The following GPC5 variants were observed in gnomAD, a reference collection of about 807,000 sequenced individuals.
GPC5 encodes glypican 5.
GPC5 carries 47 observed loss-of-function variants against 53.9 expected under a neutral mutation model. The ratio of observed to expected loss-of-function variants is 0.87; its 90% confidence interval spans 0.69 to 1.11. The LOEUF (loss-of-function observed/expected upper bound fraction) is 1.11, where lower values mean the gene tolerates loss of function less well. Among genes scored for constraint, GPC5 ranks in the 50% most tolerant of loss-of-function variants. The pLI is 0.00. For missense variants in GPC5, 748 were observed against 713.1 expected (o/e 1.05, Z -0.56); for synonymous variants, 286 against 263.3 (o/e 1.09, Z -0.84).
rs112225472 is a variant in GPC5 at position 92,079,302 on chromosome 13, G to A, written c.1402-65528G>A. Reference sequence around the variant, plus strand: ...CCTGACCTCATGATCCGCCCACCTCGGCCTCCCAATGTCTTGTGATTACAG... The same window carrying A: ...CCTGACCTCATGATCCGCCCACCTCAGCCTCCCAATGTCTTGTGATTACAG... On this transcript the variant is annotated intron_variant, in intron 6 of 7. Coordinates refer to ENST00000377067, the MANE Select transcript of GPC5 (RefSeq NM_004466.6). 3.1e-3 allele frequency among the ~76,000 whole-genome samples: 471 copies of A among 152,048 alleles called. 4 individuals are homozygous for A. The highest frequency in any genetic ancestry group is 0.011 in the African/African-American group (439 of 41,470).
chr13:92,856,891 G>A (rs1392261939), intron 7 of GPC5, among the ~76,000 whole-genome samples: 1 of 151,910 alleles, frequency 6.6e-6, no homozygotes, highest in Non-Finnish European at 1.5e-5. Flanking sequence ...TTGTTAAAGT[G>A]GTTATACTGC....
chr13:92,593,707 T>A (rs960251657), intron 7 of GPC5, among the ~76,000 whole-genome samples: 3 of 152,118 alleles, frequency 2.0e-5, no homozygotes, highest in African/African-American at 7.2e-5. Flanking sequence ...AAGATGCAAC[T>A]GATCAGATGA....
At chr13:92,166,790 T>C (rs915999260) in intron 7 of GPC5, among the ~76,000 whole-genome samples, 4 of 152,162 alleles carry the variant, frequency 2.6e-5, no homozygotes, top group African/African-American at 9.7e-5. Flanking sequence ...GACTGAATAA[T>C]GGTGGGAACT....
At chr13:92,847,790 C>T (rs559497780) in intron 7 of GPC5, among the ~76,000 whole-genome samples, 13 of 152,138 alleles carry the variant, frequency 8.5e-5, no homozygotes, top group Non-Finnish European at 1.6e-4. Context: ...TTTTATTCAA[C>T]GTGTATCAAG....
chr13:92,416,705 T>C (rs1471371373), intron 7 of GPC5, among the ~76,000 whole-genome samples: 1 of 152,052 alleles, frequency 6.6e-6, no homozygotes, highest in Non-Finnish European at 1.5e-5. Flanking sequence ...AGTTCCAAAA[T>C]GAAAAATAGA....
intron 6 of GPC5, among the ~76,000 whole-genome samples, chr13:92,056,953 A>C (rs1488756751): frequency 6.6e-6 from 1 of 152,176 alleles, no homozygotes; most frequent in East Asian, 1.9e-4. Flanking sequence ...GCTTTTGCTA[A>C]ATACCCTGTA....
At chr13:92,143,005 G>T (rs1459000833) in intron 6 of GPC5, among the ~76,000 whole-genome samples, 1 of 152,110 alleles carries the variant, frequency 6.6e-6, no homozygotes, top group East Asian at 1.9e-4. Context: ...TAATAGAATA[G>T]ATAATAATCA....
intron 7 of GPC5, among the ~76,000 whole-genome samples, chr13:92,220,261 T>TA (rs138542457): frequency 0.039 from 5,963 of 151,704 alleles, 391 homozygotes; most frequent in African/African-American, 0.13. Context: ...AGAGAAAAGA[T>TA]AAAAAAAAAT....
At chr13:92,294,479 A>G (rs948996107) in intron 7 of GPC5, among the ~76,000 whole-genome samples, 1 of 152,112 alleles carries the variant, frequency 6.6e-6, no homozygotes, top group Non-Finnish European at 1.5e-5. Flanking sequence ...TTTCTAGTTT[A>G]TGCATGTAAA....
chr13:91,512,250 C>T (rs1326972644), intron 2 of GPC5, among the ~76,000 whole-genome samples: 1 of 152,182 alleles, frequency 6.6e-6, no homozygotes, highest in Non-Finnish European at 1.5e-5. Flanking sequence ...CGTAGTGCAG[C>T]TGGTAGTATT....
intron 2 of GPC5, among the ~76,000 whole-genome samples, chr13:91,467,819 G>A (rs1882342318): frequency 6.6e-6 from 1 of 152,030 alleles, no homozygotes; most frequent in Admixed American, 6.6e-5. Context: ...TTTGATTATA[G>A]CTTCACTGTA....
At chr13:91,708,259 CG>C (rs1428143487) in intron 3 of GPC5, among the ~76,000 whole-genome samples, 1 of 151,682 alleles carries the variant, frequency 6.6e-6, no homozygotes, top group Non-Finnish European at 1.5e-5. Flanking sequence ...CTTAAGTTTA[CG>C]TTTTTTGTTT....
intron 2 of GPC5, among the ~76,000 whole-genome samples, chr13:91,573,228 C>G (rs1049877059): frequency 6.6e-6 from 1 of 152,174 alleles, no homozygotes; most frequent in Non-Finnish European, 1.5e-5. Context: ...ATGAAGTAGA[C>G]TCATAGACAG....
chr13:92,322,269 TGG>T (rs34486150), intron 7 of GPC5, among the ~76,000 whole-genome samples: 1 of 150,030 alleles, frequency 6.7e-6, no homozygotes, highest in African/African-American at 2.5e-5. Context: ...AGATGGTGAA[TGG>T]GGGAAAAAAA....
At chr13:91,705,967 G>A (rs1441535215) in intron 3 of GPC5, among the ~76,000 whole-genome samples, 2 of 144,734 alleles carry the variant, frequency 1.4e-5, no homozygotes, top group Non-Finnish European at 3.0e-5. Context: ...TGCAACCTCC[G>A]CCTCCTGAGT....
intron 6 of GPC5, among the ~76,000 whole-genome samples, chr13:91,937,709 T>A (rs1236791047): frequency 6.6e-6 from 1 of 152,124 alleles, no homozygotes; most frequent in African/African-American, 2.4e-5. Context: ...TATGACTTCA[T>A]TCTGAATTGT....
At chr13:91,765,357 T>G (rs1207828417) in intron 5 of GPC5, among the ~76,000 whole-genome samples, 1 of 152,240 alleles carries the variant, frequency 6.6e-6, no homozygotes, top group Admixed American at 6.5e-5. Flanking sequence ...TGTCAAACTG[T>G]GGGACTGAAA....
chr13:92,602,041 C>T (rs981251466), intron 7 of GPC5, among the ~76,000 whole-genome samples: 1 of 150,270 alleles, frequency 6.7e-6, no homozygotes, highest in African/African-American at 2.4e-5. Flanking sequence ...GAGCACAATG[C>T]CTTGAAAATA....
In GPC5 at chr13:92,045,831, C is replaced by T. The variant is rs183151139; in HGVS notation, c.1402-98999C>T. Among the ~76,000 whole-genome samples, 19 of 152,194 alleles carry T rather than the reference C, an allele frequency of 1.2e-4. No individual in the cohort carries two copies. In the East Asian group the frequency reaches 3.1e-3, roughly 25 times the overall value. On this transcript the variant is annotated intron_variant, in intron 6 of 7. Coordinates refer to ENST00000377067, the MANE Select transcript of GPC5 (RefSeq NM_004466.6). Reference sequence around the variant, plus strand: ...GGGTCTTGGGATAAATATTGATGCTCAGGGTATATTCCTAGTGCAGATATG... The same window carrying T: ...GGGTCTTGGGATAAATATTGATGCTTAGGGTATATTCCTAGTGCAGATATG...
Sources: gnomAD v4.1 joint callset for allele counts (sites outside exome capture counted in the v4.1 genomes callset) on GRCh38, gnomAD v4.1.1 for gene constraint, MANE v1.5 for transcripts, NCBI Gene and HGNC (gene_info 2026-07-23, HGNC 2026-07-21) for gene names.